The following DNAH9 variants were observed in gnomAD, a reference collection of about 807,000 sequenced individuals.
DNAH9 encodes the protein dynein axonemal heavy chain 9.
A neutral mutation model predicts 471.6 loss-of-function variants in DNAH9; 345 were observed. The ratio of observed to expected loss-of-function variants is 0.73; its 90% CI spans 0.67 to 0.80. The LOEUF is 0.80. Among genes scored for constraint, DNAH9 ranks in the 30% least tolerant of loss-of-function variants. DNAH9 has a pLI of 0.00. For missense variants in DNAH9, 5,407 were observed against 5,609.2 expected, an observed-to-expected ratio of 0.96 and a Z score of 1.15; for synonymous variants, 2,093 against 2,123.6, an observed-to-expected ratio of 0.99 and a Z score of 0.40.
intron 67 of DNAH9, among the ~76,000 whole-genome samples, chr17:11,951,410 G>A (rs1267384902): frequency 6.6e-6 from 1 of 152,172 alleles, no homozygotes; most frequent in Non-Finnish European, 1.5e-5. Flanking sequence ...GCCAGGCATG[G>A]TGGCTCACAC....
At chr17:11,744,040 G>T (rs555085501) in intron 30 of DNAH9, among the ~76,000 whole-genome samples, 3 of 152,196 alleles carry the variant, frequency 2.0e-5, no homozygotes, top group Non-Finnish European at 4.4e-5. Flanking sequence ...ATATTGGCCA[G>T]GCTGGTCTCG....
chr17:11,604,784 C>T (rs946226435), intron 1 of DNAH9, among the ~76,000 whole-genome samples: 10 of 152,016 alleles, frequency 6.6e-5, no homozygotes, highest in African/African-American at 2.4e-4. Context: ...CAGGCCATTT[C>T]TTACCATCTC....
intron 59 of DNAH9, among the ~76,000 whole-genome samples, chr17:11,900,251 TC>T (rs1374221436): frequency 6.6e-6 from 1 of 152,082 alleles, no homozygotes; most frequent in African/African-American, 2.4e-5. Flanking sequence ...GAAGGATGAT[TC>T]CCTGCTGTAA....
chr17:11,929,286 A>G (rs566101306), intron 62 of DNAH9, among the ~76,000 whole-genome samples: 1 of 151,930 alleles, frequency 6.6e-6, no homozygotes, highest in Non-Finnish European at 1.5e-5. Context: ...CGCCTGCCTC[A>G]GCCTCCCAAA....
At chr17:11,810,562 T>C (rs1283845692) in intron 45 of DNAH9, among the ~76,000 whole-genome samples, 193 bp downstream of exon 45, 1 of 152,216 alleles carries the variant, frequency 6.6e-6, no homozygotes, top group East Asian at 1.9e-4. Flanking sequence ...GCTCTTTCAT[T>C]CTTATTTCAT....
intron 42 of DNAH9, among the ~76,000 whole-genome samples, chr17:11,794,701 C>G (rs758788487): frequency 6.6e-6 from 1 of 152,140 alleles, no homozygotes; most frequent in Non-Finnish European, 1.5e-5. Context: ...ATCATCATTC[C>G]CCCTTTTCTT....
rs139167655 is a variant in DNAH9, at chr17:11,626,283, C to T, written c.1351-3134C>T. The stretch of plus-strand genomic sequence containing the variant: ...TTGCCTTTTATCTGTTTTGTGAGAA[C>T]TTTTAAATAAACAATGAAAAGAACT... On this transcript the variant is annotated intron_variant, in intron 6 of 68. Coordinates refer to ENST00000262442, the MANE Select transcript of DNAH9 (RefSeq NM_001372.4). This position sits in a 1 kb window ranked among gnomAD's most constrained non-coding sequence, Gnocchi z 4.3. 4.7e-3 allele frequency among the ~76,000 whole-genome samples: 713 copies of T among 152,202 alleles called. 9 individuals are homozygous for T. The highest frequency in any genetic ancestry group is 0.016 in the African/African-American group (669 of 41,532).
At chr17:11,679,719 A>G in intron 17 of DNAH9, 38 bp from the exon 18 acceptor site, 1 of 1,429,450 alleles carries the variant, frequency 7.0e-7, no homozygotes, top group Non-Finnish European at 9.9e-7. Context: ...GAGAAGTAGA[A>G]CGAGAATGGT....
chr17:11,904,957 G>A (rs1387566202), intron 60 of DNAH9, among the ~76,000 whole-genome samples: 1 of 152,074 alleles, frequency 6.6e-6, no homozygotes, highest in Non-Finnish European at 1.5e-5. Context: ...GAATAGGCTG[G>A]GCGCGGTGGC....
intron 12 of DNAH9, 97 bp from the exon 13 acceptor site, chr17:11,650,972 A>G: frequency 1.6e-6 from 2 of 1,289,598 alleles, no homozygotes; most frequent in South Asian, 1.4e-5. Context: ...GACCCAGAAG[A>G]TCTTTGGGCC....
chr17:11,702,509 C>A (rs566955434), intron 24 of DNAH9, among the ~76,000 whole-genome samples: 5 of 152,202 alleles, frequency 3.3e-5, no homozygotes, highest in African/African-American at 1.2e-4. Flanking sequence ...GAGTGCAGAA[C>A]AAATTCTTGA....
intron 43 of DNAH9, among the ~76,000 whole-genome samples, chr17:11,802,776 T>C (rs1567812666): frequency 6.6e-6 from 1 of 152,136 alleles, no homozygotes; most frequent in Non-Finnish European, 1.5e-5. Flanking sequence ...TCCATCCAGC[T>C]GTTTGTTCTC....
In DNAH9 at chr17:11,748,028, G is replaced by A. The variant is rs141275268; in HGVS notation, c.6610+262G>A. Among the ~76,000 whole-genome samples the A allele has an allele frequency of 1.2e-3, 190 of 152,106 alleles. 1 individual carries two copies. The East Asian group carries it at 0.028, about 22-fold the overall frequency. ...CATTTAAAGAGGATAAAGCTGGCTGGGCACAGTGGCTCACGCCTGTAATCC... is the reference window on the plus strand; with the variant it reads ...CATTTAAAGAGGATAAAGCTGGCTGAGCACAGTGGCTCACGCCTGTAATCC... On this transcript the variant is annotated intron_variant, in intron 32 of 68. Coordinates refer to ENST00000262442, the MANE Select transcript of DNAH9 (RefSeq NM_001372.4).
chr17:11,810,003 T>G (rs186219735), intron 44 of DNAH9, among the ~76,000 whole-genome samples: 188 of 152,238 alleles, frequency 1.2e-3, no homozygotes, highest in African/African-American at 4.4e-3. Flanking sequence ...CATGGTTGTA[T>G]GAATTAGAGG....
chr17:11,910,470 T>C (rs1312314588), intron 61 of DNAH9, among the ~76,000 whole-genome samples: 1 of 152,184 alleles, frequency 6.6e-6, no homozygotes, highest in East Asian at 1.9e-4. Context: ...TGATGGACAC[T>C]TGGGCTATTT....
intron 53 of DNAH9, among the ~76,000 whole-genome samples, chr17:11,878,541 GT>G (rs1395364544): frequency 6.7e-6 from 1 of 149,528 alleles, no homozygotes; most frequent in Non-Finnish European, 1.5e-5. Flanking sequence ...TTAGTTTTTA[GT>G]TTTTTTGTTT....
intron 7 of DNAH9, among the ~76,000 whole-genome samples, chr17:11,630,795 A>G (rs2073051956): frequency 6.6e-6 from 1 of 152,252 alleles, no homozygotes; most frequent in South Asian, 2.1e-4. Context: ...CCACGCACAC[A>G]AAAAGCAAAT....
chr17:11,862,354 G>A (rs1311304211), intron 50 of DNAH9, among the ~76,000 whole-genome samples: 47 of 123,044 alleles, frequency 3.8e-4, no homozygotes, highest in African/African-American at 6.4e-4. Flanking sequence ...ATTTCTGAGG[G>A]CTCTGTTCTG....
chr17:11,685,810 T>A (rs534203196), intron 19 of DNAH9, among the ~76,000 whole-genome samples: 17 of 149,092 alleles, frequency 1.1e-4, no homozygotes, highest in African/African-American at 4.2e-4. Flanking sequence ...AATTTTTTTT[T>A]TTTTTTTTTT....
Sources: gnomAD v4.1 joint callset for allele counts (sites outside exome capture counted in the v4.1 genomes callset) on GRCh38, gnomAD v4.1.1 for gene constraint, Gnocchi (gnomAD v3.1) non-coding constraint, MANE v1.5 for transcripts, NCBI Gene and HGNC (gene_info 2026-07-23, HGNC 2026-07-21) for gene names.